The following CARMIL1 variants were observed in gnomAD, a reference collection of about 807,000 sequenced individuals.
The protein encoded by CARMIL1 is capping protein regulator and myosin 1 linker 1.
CARMIL1 carries 90 observed loss-of-function variants against 177.1 expected under a neutral mutation model. That is an observed-to-expected ratio of 0.51 (90% CI 0.43 to 0.61). The LOEUF is 0.61. Ranked by LOEUF, CARMIL1 falls within the 20% of genes least tolerant of loss-of-function variation. CARMIL1 has a pLI of 0.00. For synonymous variants in CARMIL1, 577 were observed against 606.2 expected, an observed-to-expected ratio of 0.95 and a Z score of 0.71; for missense variants, 1,380 against 1,667.0, an observed-to-expected ratio of 0.83 and a Z score of 3.00.
chr6:25,604,167 G>A (rs1239370988), intron 33 of CARMIL1, among the ~76,000 whole-genome samples: 4 of 152,142 alleles, frequency 2.6e-5, no homozygotes, highest in Non-Finnish European at 5.9e-5. Context: ...TTGAACTCCT[G>A]GGGTTGGTCA....
At chr6:25,501,478 G>A (rs549233319) in intron 17 of CARMIL1, among the ~76,000 whole-genome samples, 2 of 152,336 alleles carry the variant, frequency 1.3e-5, no homozygotes, top group Non-Finnish European at 1.5e-5. Context: ...TTGTTAGGAA[G>A]TTTAAAGGAG....
intron 2 of CARMIL1, among the ~76,000 whole-genome samples, chr6:25,405,139 A>G (rs1794251463): frequency 6.6e-6 from 1 of 152,202 alleles, no homozygotes; most frequent in African/African-American, 2.4e-5. Context: ...GAATGGAGTT[A>G]TTTTAGTAAA....
intron 12 of CARMIL1, among the ~76,000 whole-genome samples, chr6:25,488,041 TTC>T (rs1330174676): frequency 6.6e-6 from 1 of 152,220 alleles, no homozygotes; most frequent in African/African-American, 2.4e-5. Context: ...AGCTGTCTAC[TTC>T]TCTTTTTAAC....
intron 2 of CARMIL1, among the ~76,000 whole-genome samples, chr6:25,351,819 T>C (rs1004880080): frequency 6.6e-6 from 1 of 151,974 alleles, no homozygotes; most frequent in African/African-American, 2.4e-5. Flanking sequence ...AAATAACATA[T>C]GTAAAGTGCC....
chr6:25,604,905 C>G lies in CARMIL1; in HGVS notation c.3634+12C>G. ...TGGAGGTGGGGCAGGTAAGTCAGGC[C>G]ATTGCCATCACCCCCTTAGGAAAAG... On this transcript the variant is annotated intron_variant, in intron 34 of 36. Transcript: ENST00000329474. The G allele has an allele frequency of 6.3e-7, 1 of 1,578,782 alleles. No homozygotes were observed. Among genetic ancestry groups the G allele is most frequent in the African/African-American group, 1.3e-5 (1 of 74,180 alleles).
chr6:25,509,559 T>G lies in CARMIL1; in HGVS notation c.1396-97T>G. ...TTTTACTTTTTCTTTGGTACTAAGT[T>G]TATTTTAAGACTGACTGTCTCTCCT... On this transcript the variant is annotated intron_variant, in intron 17 of 36. Coordinates refer to ENST00000329474, the MANE Select transcript of CARMIL1 (RefSeq NM_017640.6). The surrounding 1 kb of genome is among the most constrained non-coding windows in gnomAD (Gnocchi z 4.1). The G allele has an allele frequency of 1.3e-6, 1 of 795,718 alleles. No homozygotes were observed. The highest frequency in any genetic ancestry group is 2.1e-6 in the Non-Finnish European group (1 of 482,264). The allele number at this position is 795,718 out of a possible 1,614,324, so 49.3% of individuals were successfully genotyped here.
chr6:25,444,130 T>A (rs1396923610), intron 5 of CARMIL1, among the ~76,000 whole-genome samples: 2 of 152,126 alleles, frequency 1.3e-5, no homozygotes, highest in African/African-American at 4.8e-5. Flanking sequence ...AAGACAACAG[T>A]GAGGTTTACC....
intron 2 of CARMIL1, among the ~76,000 whole-genome samples, chr6:25,406,848 C>T (rs1208277103): frequency 2.0e-5 from 3 of 152,010 alleles, no homozygotes; most frequent in East Asian, 3.9e-4. Flanking sequence ...ATCTGATGAT[C>T]GGAGGGGAGA....
chr6:25,391,777 G>A (rs541625217), intron 2 of CARMIL1, among the ~76,000 whole-genome samples: 1 of 152,292 alleles, frequency 6.6e-6, no homozygotes, highest in African/African-American at 2.4e-5. Flanking sequence ...CATCTGTAGA[G>A]GCATGGTGGA....
chr6:25,314,487 T>C (rs555012478), intron 2 of CARMIL1, among the ~76,000 whole-genome samples: 1 of 144,380 alleles, frequency 6.9e-6, no homozygotes, highest in South Asian at 2.2e-4. Flanking sequence ...AAAAAAAAAA[T>C]TATATATATA....
intron 29 of CARMIL1, among the ~76,000 whole-genome samples, chr6:25,573,759 A>G (rs1463304698): frequency 6.6e-6 from 1 of 152,094 alleles, no homozygotes; most frequent in Non-Finnish European, 1.5e-5. Flanking sequence ...GAGGTGCTGA[A>G]ATGACCGGCA....
chr6:25,315,377 T>A (rs1271231989), intron 2 of CARMIL1, among the ~76,000 whole-genome samples: 2 of 152,258 alleles, frequency 1.3e-5, no homozygotes. Context: ...GTGAGGATGA[T>A]AGGCACTCCT....
chr6:25,328,509 T>C (rs1225394913), intron 2 of CARMIL1, among the ~76,000 whole-genome samples: 1 of 152,226 alleles, frequency 6.6e-6, no homozygotes, highest in Non-Finnish European at 1.5e-5. Context: ...CTTGTGTGCA[T>C]ACTTGATTTA....
chr6:25,592,062 G>A (rs1180214036), intron 31 of CARMIL1, among the ~76,000 whole-genome samples: 1 of 151,528 alleles, frequency 6.6e-6, no homozygotes, highest in African/African-American at 2.4e-5. Flanking sequence ...TTGTTTGTTT[G>A]TTTCAAAATG....
intron 23 of CARMIL1, among the ~76,000 whole-genome samples, chr6:25,521,357 T>G (rs1054250734): frequency 4.7e-5 from 7 of 148,396 alleles, no homozygotes; most frequent in African/African-American, 1.7e-4. Context: ...GGGTGAGGTT[T>G]TAGCATTAAA....
chr6:25,474,357 C>T (rs1274365371), intron 11 of CARMIL1, among the ~76,000 whole-genome samples: 1 of 151,966 alleles, frequency 6.6e-6, no homozygotes, highest in Non-Finnish European at 1.5e-5. Flanking sequence ...CCTCGTGATC[C>T]ACCCACCTCG....
At chr6:25,527,580 C>T (rs1205787927) in intron 23 of CARMIL1, 1 of 359,666 alleles carries the variant, frequency 2.8e-6, no homozygotes, top group African/African-American at 2.2e-5. Flanking sequence ...CATTGATAGT[C>T]ATGTCACCTT....
At chr6:25,436,967 G>T (rs111591451) in intron 5 of CARMIL1, among the ~76,000 whole-genome samples, 1,678 of 152,234 alleles carry the variant, frequency 0.011, 20 homozygotes, top group African/African-American at 0.034. Flanking sequence ...TGGAGAAGAG[G>T]TGTGGGCAGC....
intron 29 of CARMIL1, among the ~76,000 whole-genome samples, chr6:25,566,007 C>T (rs997977963): frequency 6.6e-6 from 1 of 152,092 alleles, no homozygotes; most frequent in Non-Finnish European, 1.5e-5. Context: ...AGCTTTGTGA[C>T]TTTCTATTTC....
Sources: gnomAD v4.1 joint callset for allele counts (sites outside exome capture counted in the v4.1 genomes callset) on GRCh38, gnomAD v4.1.1 for gene constraint, Gnocchi (gnomAD v3.1) non-coding constraint, MANE v1.5 for transcripts, NCBI Gene and HGNC (gene_info 2026-07-23, HGNC 2026-07-21) for gene names.